NAALADL2: variants seen among roughly 807,000 people sequenced by gnomAD.
NAALADL2 encodes inactive N-acetylated-alpha-linked acidic dipeptidase-like protein 2.
NAALADL2 carries 76 observed loss-of-function variants against 87.2 expected under a neutral mutation model. The observed-to-expected ratio is 0.87, with a 90% confidence interval of 0.72 to 1.05. NAALADL2 has a LOEUF of 1.05. NAALADL2 is among the 50% of genes least tolerant of loss of function. The pLI is 0.00. For missense variants in NAALADL2, 1,089 were observed against 945.8 expected (o/e 1.15, Z -1.99); for synonymous variants, 354 against 331.0 (o/e 1.07, Z -0.75).
chr3:175,463,365 AAAG>A (rs1378641350), intron 6 of NAALADL2, 33 bp from the exon 7 acceptor site: 7 of 1,284,236 alleles, frequency 5.5e-6, no homozygotes, highest in Non-Finnish European at 7.5e-6. Flanking sequence ...AATAAAATAT[AAAG>A]AAGCAAAAGT....
At chr3:174,475,723 C>T (rs1169423140) in intron 1 of NAALADL2, among the ~76,000 whole-genome samples, 1 of 151,966 alleles carries the variant, frequency 6.6e-6, no homozygotes, top group Non-Finnish European at 1.5e-5. Context: ...GAATAAAACA[C>T]GACTTCTTCC....
intron 1 of NAALADL2, among the ~76,000 whole-genome samples, chr3:174,953,077 T>C (rs1740617835): frequency 6.6e-6 from 1 of 151,994 alleles, no homozygotes; most frequent in South Asian, 2.1e-4. Context: ...GAAGTTACTA[T>C]TATTATAAGA....
At chr3:174,945,362 A>C (rs1266869726) in intron 1 of NAALADL2, among the ~76,000 whole-genome samples, 7 of 152,276 alleles carry the variant, frequency 4.6e-5, no homozygotes, top group South Asian at 2.1e-4. Context: ...ATTTTCACTC[A>C]GGCCTGGTTG....
At chr3:174,561,732 A>G (rs1713643818) in intron 2 of NAALADL2, among the ~76,000 whole-genome samples, 2 of 152,200 alleles carry the variant, frequency 1.3e-5, no homozygotes. Flanking sequence ...AATCTTTCTC[A>G]CCATTTGCAC....
At position 175,484,887 on chromosome 3, in the gene NAALADL2, GTTC is replaced by G. The variant is rs1012342826; in HGVS notation, c.1653+13132_1653+13134del. On this transcript the variant is annotated intron_variant, in intron 9 of 13. Transcript: ENST00000454872. ...TAAGACAACAGAACTGTTACTTGCT[GTTC>G]TTATCAGTGTGCTCTTTGCCTGTGT... 4.2e-4 allele frequency among the ~76,000 whole-genome samples: 64 copies of G among 152,220 alleles called. 1 individual carries two copies. The highest frequency in any genetic ancestry group is 6.8e-3 in the Middle Eastern group (2 of 294).
chr3:174,738,907 C>CT (rs1307001897), intron 3 of NAALADL2, among the ~76,000 whole-genome samples: 2 of 151,942 alleles, frequency 1.3e-5, no homozygotes, highest in African/African-American at 2.4e-5. Flanking sequence ...TCAGTTTAAT[C>CT]TTTTTTCTGA....
chr3:174,918,148 A>C (rs1247952135), intron 1 of NAALADL2, among the ~76,000 whole-genome samples: 1 of 152,090 alleles, frequency 6.6e-6, no homozygotes, highest in African/African-American at 2.4e-5. Context: ...GATTATGAAA[A>C]CATATCAGTA....
chr3:175,572,674 T>G (rs746642714), intron 9 of NAALADL2, among the ~76,000 whole-genome samples: 1 of 152,160 alleles, frequency 6.6e-6, no homozygotes, highest in East Asian at 1.9e-4. Context: ...ATAGTAGCTA[T>G]AGCAAGAACA....
Position 174,629,818 on chromosome 3 carries a change from A to G in NAALADL2, c.-115+79181A>G, listed in dbSNP as rs115967411. 9.3e-3 allele frequency among the ~76,000 whole-genome samples: 1,412 copies of G among 152,314 alleles called. 17 individuals are homozygous for G. Among genetic ancestry groups the G allele is most frequent in the African/African-American group, 0.032 (1,335 of 41,562 alleles). ...GAGACTATGTGAGTCCTGTGCACAC[A>G]AAGCCAATATTCAGCTAAGTATGTA... On this transcript the variant is annotated intron_variant, in intron 2 of 3. Coordinates refer to the NAALADL2 transcript ENST00000434257.
At chr3:175,378,572 C>A (rs1767430005) in intron 5 of NAALADL2, among the ~76,000 whole-genome samples, 1 of 152,172 alleles carries the variant, frequency 6.6e-6, no homozygotes. Flanking sequence ...CAAGGGCACC[C>A]TTATGCAAAT....
At chr3:175,322,097 G>C (rs1759971284) in intron 4 of NAALADL2, among the ~76,000 whole-genome samples, 1 of 150,412 alleles carries the variant, frequency 6.6e-6, no homozygotes, top group Non-Finnish European at 1.5e-5. Context: ...ATACTACAAG[G>C]CTACAGTAAC....
At chr3:174,675,464 G>T (rs1235507838) in intron 2 of NAALADL2, among the ~76,000 whole-genome samples, 1 of 151,948 alleles carries the variant, frequency 6.6e-6, no homozygotes, top group Non-Finnish European at 1.5e-5. Context: ...GTTAAATAAG[G>T]TTCCTCGCTT....
chr3:175,014,900 C>T (rs781597537), intron 1 of NAALADL2, among the ~76,000 whole-genome samples: 49 of 152,088 alleles, frequency 3.2e-4, no homozygotes, highest in Non-Finnish European at 5.6e-4. Flanking sequence ...TCTTCTCTTT[C>T]GTAAGGGGAC....
At chr3:175,560,572 A>G (rs1716108936) in intron 9 of NAALADL2, among the ~76,000 whole-genome samples, 1 of 150,708 alleles carries the variant, frequency 6.6e-6, no homozygotes, top group South Asian at 2.1e-4. Context: ...TAGGTTGTTT[A>G]TTTGTTTTTT....
chr3:175,013,289 A>ATATATATG (rs1560476143), intron 1 of NAALADL2, among the ~76,000 whole-genome samples: 27 of 85,162 alleles, frequency 3.2e-4, no homozygotes, highest in Non-Finnish European at 4.3e-4. Context: ...ATATATATAT[A>ATATATATG]TATATATATA....
chr3:174,859,992 C>A (rs897637995), intron 1 of NAALADL2, among the ~76,000 whole-genome samples: 1 of 152,066 alleles, frequency 6.6e-6, no homozygotes, highest in Non-Finnish European at 1.5e-5. Context: ...GTTGCTTAAT[C>A]AGATACCTTT....
At chr3:174,676,648 C>T (rs1345437676) in intron 2 of NAALADL2, among the ~76,000 whole-genome samples, 1 of 151,752 alleles carries the variant, frequency 6.6e-6, no homozygotes. Context: ...TTATGTGAGA[C>T]AGTATATGTA....
chr3:175,433,735 A>T (rs1223825188), intron 5 of NAALADL2, among the ~76,000 whole-genome samples: 1 of 151,948 alleles, frequency 6.6e-6, no homozygotes, highest in African/African-American at 2.4e-5. Context: ...GTTCCATTTC[A>T]TAAAGTACTT....
At chr3:175,443,019 C>T (rs1720078817) in intron 5 of NAALADL2, among the ~76,000 whole-genome samples, 1 of 152,090 alleles carries the variant, frequency 6.6e-6, no homozygotes, top group Non-Finnish European at 1.5e-5. Flanking sequence ...TGTTCAAAAC[C>T]TCTTAATAAT....
Sources: gnomAD v4.1 joint callset for allele counts (sites outside exome capture counted in the v4.1 genomes callset) on GRCh38, gnomAD v4.1.1 for gene constraint, MANE v1.5 for transcripts, NCBI Gene and HGNC (gene_info 2026-07-23, HGNC 2026-07-21) for gene names.